Variants in MAN2A1 observed in about 807,000 individuals in gnomAD.
MAN2A1 encodes mannosidase alpha class 2A member 1, also known as alpha-mannosidase 2.
Under a neutral mutation model 142.6 loss-of-function variants are expected in MAN2A1, and 76 were observed. The ratio of observed to expected loss-of-function variants is 0.53; its 90% CI spans 0.44 to 0.65. MAN2A1 has a LOEUF of 0.65. MAN2A1 is among the 30% of genes least tolerant of loss of function. MAN2A1 has a pLI of 0.00. For synonymous variants in MAN2A1, 559 were observed against 473.2 expected (o/e 1.18, Z -2.35); for missense variants, 1,311 against 1,365.1 (o/e 0.96, Z 0.62).
intron 10 of MAN2A1, among the ~76,000 whole-genome samples, chr5:109,787,506 T>G (rs1208124350): frequency 6.6e-6 from 1 of 152,018 alleles, no homozygotes; most frequent in Non-Finnish European, 1.5e-5. Flanking sequence ...TGTACTGTGT[T>G]TCATTTTGTT....
intron 8 of MAN2A1, among the ~76,000 whole-genome samples, chr5:109,778,640 G>A (rs1343096712): frequency 6.6e-6 from 1 of 152,036 alleles, no homozygotes; most frequent in Non-Finnish European, 1.5e-5. Flanking sequence ...AGTACCCCAA[G>A]ATGAAAATTT....
intron 1 of MAN2A1, among the ~76,000 whole-genome samples, chr5:109,693,458 G>A (rs929446580): frequency 2.0e-5 from 3 of 151,546 alleles, no homozygotes; most frequent in Admixed American, 2.0e-4. Context: ...ATAGGTATTG[G>A]GTTCCTCTAA....
At chr5:109,854,129 A>T (rs887827152) in intron 19 of MAN2A1, 1 of 152,220 alleles carries the variant, frequency 6.6e-6, no homozygotes, top group African/African-American at 2.4e-5. Flanking sequence ...AAGGATGCAA[A>T]ATCAGAAGAT....
At chr5:109,720,360 G>A (rs918641628) in intron 3 of MAN2A1, among the ~76,000 whole-genome samples, 1 of 152,150 alleles carries the variant, frequency 6.6e-6, no homozygotes, top group Admixed American at 6.6e-5. Context: ...GACTCAGAGG[G>A]TGATTAGGAC....
intron 1 of MAN2A1, among the ~76,000 whole-genome samples, chr5:109,702,693 A>C (rs74486950): frequency 0.019 from 2,830 of 152,332 alleles, 34 homozygotes; most frequent in Middle Eastern, 0.071. Context: ...GTTTTAAACA[A>C]AAGAGATTTG....
chr5:109,771,068 T>G (rs984015232), intron 7 of MAN2A1, among the ~76,000 whole-genome samples: 2 of 152,192 alleles, frequency 1.3e-5, no homozygotes, highest in Admixed American at 6.5e-5. Flanking sequence ...ATTAGGAATA[T>G]TTATACTTAA....
intron 3 of MAN2A1, among the ~76,000 whole-genome samples, chr5:109,719,821 T>C (rs367883889): frequency 6.6e-6 from 1 of 152,196 alleles, no homozygotes; most frequent in Admixed American, 6.5e-5. Context: ...TTTCAAAATA[T>C]GTTTGTATTT....
intron 16 of MAN2A1, among the ~76,000 whole-genome samples, chr5:109,833,230 C>T (rs1429920624): frequency 7.9e-5 from 12 of 151,718 alleles, no homozygotes; most frequent in African/African-American, 1.7e-4. Flanking sequence ...AGACGATGGG[C>T]GGCCAGGCAG....
intron 19 of MAN2A1, among the ~76,000 whole-genome samples, chr5:109,851,305 A>G (rs1755475528): frequency 6.6e-6 from 1 of 152,180 alleles, no homozygotes. Context: ...GGAAAATAGG[A>G]TTCATCTCTT....
intron 16 of MAN2A1, among the ~76,000 whole-genome samples, chr5:109,826,361 A>G (rs531622455): frequency 6.6e-6 from 1 of 152,334 alleles, no homozygotes; most frequent in South Asian, 2.1e-4. Context: ...TGCCTGGATT[A>G]AATGAGAAGC....
At chr5:109,846,545 T>C (rs558790738) in intron 18 of MAN2A1, among the ~76,000 whole-genome samples, 1 of 152,308 alleles carries the variant, frequency 6.6e-6, no homozygotes, top group African/African-American at 2.4e-5. Flanking sequence ...AAATAGTCAA[T>C]AGACACTGAT....
chr5:109,697,416 G>A (rs1287606999), intron 1 of MAN2A1, among the ~76,000 whole-genome samples: 1 of 152,138 alleles, frequency 6.6e-6, no homozygotes, highest in Admixed American at 6.5e-5. Context: ...GAGGTGGGAG[G>A]TTAGGGAAAG....
At chr5:109,739,431 CTT>C (rs933953448) in intron 4 of MAN2A1, among the ~76,000 whole-genome samples, 44 of 152,214 alleles carry the variant, frequency 2.9e-4, no homozygotes, top group African/African-American at 1.0e-3. Flanking sequence ...TCTAGTCTCT[CTT>C]TTTCATATGC....
chr5:109,818,086 G>C (rs1754517749), intron 13 of MAN2A1, among the ~76,000 whole-genome samples: 1 of 152,070 alleles, frequency 6.6e-6, no homozygotes, highest in Non-Finnish European at 1.5e-5. Flanking sequence ...CCATAAACTA[G>C]GAACTCTAAG....
At chr5:109,821,907 C>T (rs562077837) in intron 15 of MAN2A1, among the ~76,000 whole-genome samples, 41 of 151,532 alleles carry the variant, frequency 2.7e-4, no homozygotes, top group Non-Finnish European at 5.8e-4. Context: ...GTAGTCATTT[C>T]TTTTTTTTCT....
At chr5:109,735,647 C>T (rs1269428709) in intron 4 of MAN2A1, among the ~76,000 whole-genome samples, 4 of 152,060 alleles carry the variant, frequency 2.6e-5, no homozygotes, top group Non-Finnish European at 4.4e-5. Flanking sequence ...GAGCTGTAGA[C>T]CGGAGCTGTT....
At chr5:109,721,029 G>C (rs973964969) in intron 3 of MAN2A1, among the ~76,000 whole-genome samples, 1 of 152,218 alleles carries the variant, frequency 6.6e-6, no homozygotes, top group Non-Finnish European at 1.5e-5. Flanking sequence ...TTTATTGCCT[G>C]TACGGCATCA....
At chr5:109,854,726 A>G (rs1217792819) in intron 19 of MAN2A1, 3 of 154,630 alleles carry the variant, frequency 1.9e-5, no homozygotes, top group African/African-American at 2.4e-5. Flanking sequence ...ATGAAACTAC[A>G]AGAATATGGT....
In MAN2A1 at chr5:109,770,503, C is replaced by A. The variant is rs967153809; in HGVS notation, c.1158C>A (p.Val386=). Residue 386 remains valine, a synonymous_variant, in exon 7 of 22, where the codon GTC becomes GTA. Transcript: ENST00000261483. The part of the protein sequence containing the change: ...PGGRFGCPWG[V]PPETIHPGNV... The stretch of plus-strand genomic sequence containing the variant: ...GCAGATTTGGTTGTCCCTGGGGAGT[C>A]CCCCCAGAAACAATACATCCTGGAA... 14 of 1,613,594 alleles carry A rather than the reference C, an allele frequency of 8.7e-6. No individual in the cohort carries two copies. The highest frequency in any genetic ancestry group is 5.1e-6 in the Non-Finnish European group (6 of 1,179,794).
Sources: gnomAD v4.1 joint callset for allele counts (sites outside exome capture counted in the v4.1 genomes callset) on GRCh38, gnomAD v4.1.1 for gene constraint, MANE v1.5 for transcripts, NCBI Gene and HGNC (gene_info 2026-07-23, HGNC 2026-07-21) for gene names.